Variants in IL1RAPL1 observed in about 807,000 individuals in gnomAD.
IL1RAPL1 encodes interleukin 1 receptor accessory protein like 1.
Under a neutral mutation model 48.4 loss-of-function variants are expected in IL1RAPL1, and 3 were observed. The ratio of observed to expected loss-of-function variants is 0.06; its 90% CI spans 0.03 to 0.16. IL1RAPL1 has a LOEUF of 0.16. IL1RAPL1 is among the 10% of genes least tolerant of loss of function. IL1RAPL1 has a pLI of 1.00. For missense variants in IL1RAPL1, 349 were observed against 530.6 expected (o/e 0.66, Z 3.36); for synonymous variants, 185 against 187.7 (o/e 0.99, Z 0.12).
intron 5 of IL1RAPL1, among the ~76,000 whole-genome samples, chrX:29,599,483 C>T (rs757923163): frequency 1.5e-4 from 17 of 111,882 alleles, no homozygotes; most frequent in East Asian, 1.4e-3. Context: ...GATAACCTCA[C>T]GATTGTGTGC....
At chrX:29,489,969 G>C (rs1363364726) in intron 5 of IL1RAPL1, among the ~76,000 whole-genome samples, 1 of 111,484 alleles carries the variant, frequency 9.0e-6, no homozygotes, top group African/African-American at 3.3e-5. Context: ...AGTTAAAGAA[G>C]TTCAAAGATC....
Position 28,951,616 on chromosome X carries a change from G to A in IL1RAPL1, c.82+162191G>A, listed in dbSNP as rs187657256. Among the ~76,000 whole-genome samples, 5 of 110,825 alleles carry A rather than the reference G, an allele frequency of 4.5e-5. No homozygotes were observed. In the East Asian group the frequency reaches 1.1e-3, roughly 25 times the overall value. On this transcript the variant is annotated intron_variant, in intron 2 of 10. Coordinates refer to ENST00000378993, the MANE Select transcript of IL1RAPL1 (RefSeq NM_014271.4). ...AGGGAACAGAATTGATATCTGCTTA[G>A]CCTCATTAGAGTGAATATTATGGTA... is the stretch of plus-strand genomic sequence containing the variant.
intron 6 of IL1RAPL1, among the ~76,000 whole-genome samples, chrX:29,684,196 G>T (rs1926550075): frequency 9.0e-6 from 1 of 111,538 alleles, no homozygotes; most frequent in African/African-American, 3.3e-5. Flanking sequence ...ATAAACCACA[G>T]AAATTAATTT....
At chrX:29,923,797 C>T (rs886901734) in intron 8 of IL1RAPL1, among the ~76,000 whole-genome samples, 2 of 111,630 alleles carry the variant, frequency 1.8e-5, no homozygotes, top group African/African-American at 6.5e-5. Context: ...CTGACACAAA[C>T]AATAGTCCAG....
intron 6 of IL1RAPL1, among the ~76,000 whole-genome samples, chrX:29,780,502 ACC>A (rs1929314181): frequency 9.0e-6 from 1 of 111,011 alleles, no homozygotes; most frequent in Admixed American, 9.6e-5. Flanking sequence ...CCTCCATTCT[ACC>A]CTCAGCCTTC....
chrX:29,444,919 A>G (rs1347180897), intron 5 of IL1RAPL1, among the ~76,000 whole-genome samples: 1 of 111,940 alleles, frequency 8.9e-6, no homozygotes, highest in Non-Finnish European at 1.9e-5. Context: ...ATGTGAAAGA[A>G]CCCACTTTGG....
intron 2 of IL1RAPL1, among the ~76,000 whole-genome samples, chrX:29,103,539 A>G (rs771659135): frequency 9.3e-6 from 1 of 107,303 alleles, no homozygotes; most frequent in Non-Finnish European, 1.9e-5. Context: ...CACTGGGGAA[A>G]CTCTCTAGGA....
intron 6 of IL1RAPL1, among the ~76,000 whole-genome samples, chrX:29,793,993 G>T (rs1344817900): frequency 1.8e-5 from 2 of 112,140 alleles, no homozygotes; most frequent in Non-Finnish European, 3.8e-5. Context: ...GTCTGTGTGT[G>T]TGTATTTTGA....
At chrX:29,057,257 T>G (rs1262438710) in intron 2 of IL1RAPL1, among the ~76,000 whole-genome samples, 1 of 111,383 alleles carries the variant, frequency 9.0e-6, no homozygotes, top group Admixed American at 9.6e-5. Flanking sequence ...TTTTACCTAA[T>G]GCAGTTTACT....
At chrX:29,252,216 G>A (rs1278303467) in intron 2 of IL1RAPL1, among the ~76,000 whole-genome samples, 3 of 111,319 alleles carry the variant, frequency 2.7e-5, no homozygotes, top group Admixed American at 1.9e-4. Context: ...GTATACATAT[G>A]TAACTAACCT....
intron 6 of IL1RAPL1, among the ~76,000 whole-genome samples, chrX:29,898,094 G>C (rs915520424): frequency 3.6e-5 from 4 of 111,804 alleles, no homozygotes; most frequent in Non-Finnish European, 7.5e-5. Context: ...TTCATCCGTG[G>C]AATCTTAAGA....
intron 5 of IL1RAPL1, among the ~76,000 whole-genome samples, chrX:29,659,950 G>A (rs181150134): frequency 8.9e-6 from 1 of 111,872 alleles, no homozygotes; most frequent in African/African-American, 3.2e-5. Context: ...CAGTTCTGCA[G>A]GCTGTGCAGG....
chrX:29,373,397 A>G (rs2147668228), intron 3 of IL1RAPL1, among the ~76,000 whole-genome samples: 1 of 111,767 alleles, frequency 8.9e-6, no homozygotes, highest in African/African-American at 3.3e-5. Context: ...TCCTGTTTGG[A>G]TGCCTTTTGT....
chrX:28,761,012 G>T (rs776898950), intron 1 of IL1RAPL1, among the ~76,000 whole-genome samples: 2 of 108,427 alleles, frequency 1.8e-5, no homozygotes, highest in South Asian at 4.2e-4. Context: ...CTTGAACCTG[G>T]GGGGGCAGAG....
chrX:29,828,349 C>T (rs745714824), intron 6 of IL1RAPL1, among the ~76,000 whole-genome samples: 1 of 111,638 alleles, frequency 9.0e-6, no homozygotes, highest in East Asian at 2.8e-4. Context: ...CCTTTAGAGA[C>T]TAGATGATTA....
chrX:28,701,317 T>C (rs1935293649), intron 1 of IL1RAPL1, among the ~76,000 whole-genome samples: 1 of 112,312 alleles, frequency 8.9e-6, no homozygotes, highest in African/African-American at 3.2e-5. Flanking sequence ...ACATGGTATA[T>C]GTTTGCTAAC....
chrX:29,446,051 A>G (rs1199495986), intron 5 of IL1RAPL1, among the ~76,000 whole-genome samples: 1 of 112,323 alleles, frequency 8.9e-6, no homozygotes, highest in East Asian at 2.8e-4. Flanking sequence ...AGAAATAACT[A>G]CCAGTTGACT....
chrX:29,761,870 A>G (rs897318073), intron 6 of IL1RAPL1, among the ~76,000 whole-genome samples: 1 of 112,200 alleles, frequency 8.9e-6, no homozygotes, highest in Admixed American at 9.5e-5. Flanking sequence ...TTTCAAAGAA[A>G]TTAGAGTCAA....
chrX:29,419,029 T>C (rs1203529929), intron 5 of IL1RAPL1, among the ~76,000 whole-genome samples: 1 of 112,189 alleles, frequency 8.9e-6, no homozygotes, highest in Non-Finnish European at 1.9e-5. Context: ...GAATGTGTTC[T>C]TTAAAGATCT....
Sources: allele counts gnomAD v4.1 joint callset (sites outside exome capture counted in the v4.1 genomes callset), GRCh38; gene constraint gnomAD v4.1.1; transcripts MANE v1.5; gene names NCBI Gene and HGNC (gene_info 2026-07-23, HGNC 2026-07-21).